The following B4GALT6 variants were observed in gnomAD, a reference collection of about 807,000 sequenced individuals.
The protein encoded by B4GALT6 is UDP-Gal:beta-GlcNAc beta-1,4-galactosyltransferase 6.
In B4GALT6, 14 loss-of-function variants were observed where a neutral mutation model predicts 46.3. The observed-to-expected ratio is 0.30, with a 90% CI of 0.20 to 0.47. B4GALT6 has a LOEUF of 0.47. B4GALT6 is among the 20% of genes least tolerant of loss of function. B4GALT6 has a pLI of 0.99. For missense variants in B4GALT6, 386 were observed against 480.1 expected (o/e 0.80, Z 1.83); for synonymous variants, 168 against 162.0 (o/e 1.04, Z -0.28).
chr18:31,642,493 T>C (rs1417925054), intron 4 of B4GALT6, among the ~76,000 whole-genome samples: 3 of 152,150 alleles, frequency 2.0e-5, no homozygotes, highest in East Asian at 3.9e-4. Flanking sequence ...AGCCTGGAAG[T>C]TATAGACCAA....
intron 1 of B4GALT6, among the ~76,000 whole-genome samples, chr18:31,683,543 C>A (rs1372178687): frequency 2.0e-5 from 3 of 152,056 alleles, no homozygotes; most frequent in African/African-American, 7.3e-5. Context: ...ACGAGGAATT[C>A]GGATATTTAA....
chr18:31,685,993 C>A (rs1160459272), upstream of B4GALT6: 4 of 152,232 alleles, frequency 2.6e-5, no homozygotes. Context: ...GCCAATAGGC[C>A]CTTGAGCGCC....
intron 3 of B4GALT6, among the ~76,000 whole-genome samples, chr18:31,649,483 A>T (rs2074033744): frequency 1.3e-5 from 2 of 152,220 alleles, no homozygotes; most frequent in South Asian, 4.2e-4. Context: ...ACATTTATGC[A>T]AAACTGTGCA....
chr18:31,703,696 T>A, the B4GALT6 span, among the ~76,000 whole-genome samples: 1 of 152,212 alleles, frequency 6.6e-6, no homozygotes. Context: ...ATGAGCCTAA[T>A]AGCTGATGCT....
chr18:31,696,085 G>C, the B4GALT6 span, among the ~76,000 whole-genome samples: 1 of 152,136 alleles, frequency 6.6e-6, no homozygotes, highest in Non-Finnish European at 1.5e-5. Flanking sequence ...CATGGAGAGA[G>C]AGTTAGAAGG....
Position 31,666,269 on chromosome 18 carries a change from C to A in B4GALT6, c.219G>T (p.Thr73=). ...MIRLYTNKNS[T]LNGTDYPEGN... ...AAGTAGTCTTACCTGTACCGTTGAG[C>A]GTACTGTTTTTATTTGTGTACAGCC... Residue 73 remains threonine, a synonymous_variant, in exon 2 of 9, where the codon ACG becomes ACT. Transcript: ENST00000306851. 6.3e-7 allele frequency: 1 copy of A among 1,590,226 alleles called. No homozygotes were observed. The highest frequency in any genetic ancestry group is 8.6e-7 in the Non-Finnish European group (1 of 1,164,292).
In B4GALT6 at chr18:31,662,021, C is replaced by T. The variant is rs549010356; in HGVS notation, c.233-3932G>A. 9.2e-5 allele frequency among the ~76,000 whole-genome samples: 14 copies of T among 152,294 alleles called. No homozygotes were observed. In the South Asian group the frequency reaches 2.9e-3, roughly 32 times the overall value. On this transcript the variant is annotated intron_variant, in intron 2 of 8. Transcript: ENST00000306851. ...TCACAGAAGTGCTCGGCTCTCTAGA[C>T]ATTTCTGCAAAACAAACTATTAACT... is the stretch of plus-strand genomic sequence containing the variant.
chr18:31,710,814 C>CCACACACACATACACA, the B4GALT6 span, among the ~76,000 whole-genome samples: 1 of 140,124 alleles, frequency 7.1e-6, no homozygotes, highest in African/African-American at 2.6e-5. Context: ...CCTGAATACA[C>CCACACACACATACACA]CACACACACA....
chr18:31,712,013 C>T, the B4GALT6 span, among the ~76,000 whole-genome samples: 2 of 152,202 alleles, frequency 1.3e-5, no homozygotes, highest in Admixed American at 1.3e-4. Flanking sequence ...GCTCCTCCCA[C>T]CCTGCATTTA....
At chr18:31,659,482 T>G (rs1598906955) in intron 2 of B4GALT6, among the ~76,000 whole-genome samples, 1 of 151,972 alleles carries the variant, frequency 6.6e-6, no homozygotes, top group Admixed American at 6.5e-5. Flanking sequence ...AAGCAGAGGG[T>G]GTTGGGACGG....
intron 1 of B4GALT6, among the ~76,000 whole-genome samples, chr18:31,673,049 G>A (rs181950591): frequency 3.0e-4 from 46 of 152,314 alleles, no homozygotes; most frequent in African/African-American, 1.1e-3. Context: ...GCAGGGCCCT[G>A]AGCATGTCAG....
chr18:31,665,293 T>C (rs1036280049), intron 2 of B4GALT6, among the ~76,000 whole-genome samples: 1 of 152,224 alleles, frequency 6.6e-6, no homozygotes, highest in Non-Finnish European at 1.5e-5. Context: ...GCAGACACTG[T>C]GGCAACCCTG....
intron 1 of B4GALT6, among the ~76,000 whole-genome samples, chr18:31,668,349 T>C (rs1056020503): frequency 1.3e-5 from 2 of 152,182 alleles, no homozygotes; most frequent in Admixed American, 1.3e-4. Context: ...TAAAACTACC[T>C]ATTGGGTACT....
upstream of B4GALT6, chr18:31,684,590 A>C: frequency 2.5e-6 from 3 of 1,207,804 alleles, no homozygotes; most frequent in Non-Finnish European, 3.1e-6. Context: ...AGGAAATGGG[A>C]GGGAGCGGAC....
chr18:31,706,905 A>G, the B4GALT6 span, among the ~76,000 whole-genome samples: 1 of 152,230 alleles, frequency 6.6e-6, no homozygotes, highest in African/African-American at 2.4e-5. Context: ...CTAAGACATT[A>G]ACCATGTTAA....
chr18:31,636,545 T>C lies in B4GALT6; in HGVS notation c.588+2099A>G, dbSNP rs112981635. Among the ~76,000 whole-genome samples the C allele has an allele frequency of 7.9e-3, 1,205 of 152,272 alleles. 15 individuals are homozygous for C. The highest frequency in any genetic ancestry group is 0.027 in the African/African-American group (1,134 of 41,552). The stretch of plus-strand genomic sequence containing the variant: ...ATTAATCATCAGGGAAATAAGATAC[T>C]ACCACAGACCCACTAAATGGCTAAA... On this transcript the variant is annotated intron_variant, in intron 5 of 8. Transcript: ENST00000306851.
the B4GALT6 span, among the ~76,000 whole-genome samples, chr18:31,692,033 C>G: frequency 1.3e-5 from 2 of 152,088 alleles, no homozygotes; most frequent in Admixed American, 1.3e-4. Flanking sequence ...AAATTATTAA[C>G]ATAATTCAAC....
intron 3 of B4GALT6, among the ~76,000 whole-genome samples, chr18:31,652,161 G>T (rs1462365606): frequency 6.6e-6 from 1 of 151,998 alleles, no homozygotes. Context: ...ACCTCCTCCA[G>T]ATCCTTTACC....
intron 3 of B4GALT6, 24 bp downstream of exon 3, chr18:31,657,952 A>T (rs752381929): frequency 5.8e-6 from 9 of 1,561,658 alleles, no homozygotes; most frequent in Non-Finnish European, 7.9e-6. Flanking sequence ...TAAACAGTTA[A>T]GTCAAAATTA....
Sources: gnomAD v4.1 joint callset for allele counts (sites outside exome capture counted in the v4.1 genomes callset) on GRCh38, gnomAD v4.1.1 for gene constraint, MANE v1.5 for transcripts, NCBI Gene and HGNC (gene_info 2026-07-23, HGNC 2026-07-21) for gene names.